Variants in DCC observed in about 807,000 individuals in gnomAD.
DCC encodes the protein DCC netrin 1 receptor.
DCC carries 58 observed loss-of-function variants against 172.5 expected under a neutral mutation model. That is an observed-to-expected ratio of 0.34 (90% CI 0.27 to 0.42). DCC has a LOEUF of 0.42. DCC is among the 10% of genes least tolerant of loss of function. The probability of loss-of-function intolerance (pLI) is 1.00; values close to 1 mark genes in which losing one functional copy is unlikely to be tolerated. For synonymous variants in DCC, 709 were observed against 644.5 expected (o/e 1.10, Z -1.52); for missense variants, 1,740 against 1,791.0 (o/e 0.97, Z 0.51).
At position 53,200,688 on chromosome 18, in the gene DCC, C is replaced by T. The variant is rs917971323; in HGVS notation, c.1574-4528C>T. On this transcript the variant is annotated intron_variant, in intron 9 of 28. Coordinates refer to ENST00000442544, the MANE Select transcript of DCC (RefSeq NM_005215.4). ...GTCTATTTTCCCCCATGATGCCTGA[C>T]GGAAGTGTGTGTGTGGTTGTCATAT... 2.2e-4 allele frequency among the ~76,000 whole-genome samples: 34 copies of T among 152,242 alleles called. No individual in the cohort carries two copies. In the South Asian group the frequency reaches 4.3e-3, roughly 19 times the overall value.
intron 1 of DCC, among the ~76,000 whole-genome samples, chr18:52,630,186 C>T (rs1417825181): frequency 2.0e-5 from 3 of 151,998 alleles, no homozygotes. Context: ...TCCAAATATA[C>T]CTTTAGAAAT....
At chr18:53,165,823 G>A (rs1046823570) in intron 8 of DCC, among the ~76,000 whole-genome samples, 2 of 152,154 alleles carry the variant, frequency 1.3e-5, no homozygotes, top group African/African-American at 4.8e-5. Flanking sequence ...TGAAAGGTTC[G>A]TCTTACTGAT....
intron 2 of DCC, among the ~76,000 whole-genome samples, chr18:52,838,581 C>T (rs188693399): frequency 1.1e-4 from 17 of 152,182 alleles, no homozygotes; most frequent in African/African-American, 4.1e-4. Flanking sequence ...CATTTTAAAT[C>T]ATCAAGTAAT....
At chr18:52,751,100 T>C (rs1322417566) in intron 1 of DCC, among the ~76,000 whole-genome samples, 4 of 152,196 alleles carry the variant, frequency 2.6e-5, no homozygotes, top group Non-Finnish European at 5.9e-5. Flanking sequence ...GAAAACAAGA[T>C]ACCGAGGGAC....
rs561978728 is a variant in DCC at position 53,464,852 on chromosome 18, G to A, written c.3620-3042G>A. On this transcript the variant is annotated intron_variant, in intron 24 of 28. Transcript: ENST00000442544. Reference sequence around the variant, plus strand: ...AAATTAGCCAGACGTGGTGGTACATGCCTGTAATCCCAGCTACTTGGGAGG... The same window carrying A: ...AAATTAGCCAGACGTGGTGGTACATACCTGTAATCCCAGCTACTTGGGAGG... Among the ~76,000 whole-genome samples the A allele has an allele frequency of 5.9e-5, 9 of 151,856 alleles. No individual in the cohort carries two copies. In the South Asian group the frequency reaches 1.7e-3, roughly 28 times the overall value.
chr18:52,904,551 A>G (rs985682233), intron 2 of DCC, among the ~76,000 whole-genome samples: 1 of 152,214 alleles, frequency 6.6e-6, no homozygotes, highest in Non-Finnish European at 1.5e-5. Flanking sequence ...AGGATCATGA[A>G]AATTAATAGA....
chr18:52,693,128 A>G (rs1016471981), intron 1 of DCC, among the ~76,000 whole-genome samples: 3 of 151,644 alleles, frequency 2.0e-5, no homozygotes, highest in African/African-American at 7.3e-5. Flanking sequence ...AGATAACTAC[A>G]AGGCAAATCA....
chr18:52,652,498 A>C (rs1461681118), intron 1 of DCC, among the ~76,000 whole-genome samples: 1 of 152,126 alleles, frequency 6.6e-6, no homozygotes, highest in Non-Finnish European at 1.5e-5. Flanking sequence ...TCTTTTTAAG[A>C]CAAGGTCACA....
intron 18 of DCC, among the ~76,000 whole-genome samples, chr18:53,397,928 T>C (rs1008386361): frequency 2.0e-5 from 3 of 152,188 alleles, no homozygotes; most frequent in Admixed American, 2.0e-4. Flanking sequence ...CAGGTGGTTT[T>C]GTTCACTCCT....
chr18:53,524,520 C>T (rs1238084020), intron 27 of DCC, among the ~76,000 whole-genome samples: 1 of 151,954 alleles, frequency 6.6e-6, no homozygotes, highest in African/African-American at 2.4e-5. Context: ...ATAGGATAAG[C>T]ACTATAAGGT....
chr18:52,360,415 T>G (rs1984568351), intron 1 of DCC, among the ~76,000 whole-genome samples: 1 of 152,270 alleles, frequency 6.6e-6, no homozygotes, highest in Non-Finnish European at 1.5e-5. Context: ...ACATATGTGC[T>G]GCAATTTCTC....
At chr18:53,218,493 T>C (rs1396922375) in intron 12 of DCC, among the ~76,000 whole-genome samples, 2 of 152,106 alleles carry the variant, frequency 1.3e-5, no homozygotes, top group Non-Finnish European at 2.9e-5. Flanking sequence ...ATTCTCTTAC[T>C]GTATCATTCT....
At chr18:52,803,551 C>T (rs879257159) in intron 2 of DCC, among the ~76,000 whole-genome samples, 3 of 152,070 alleles carry the variant, frequency 2.0e-5, no homozygotes, top group Admixed American at 6.5e-5. Context: ...ATAAAATAGA[C>T]TAGTACCTAT....
chr18:52,369,609 C>G (rs1985028714), intron 1 of DCC, among the ~76,000 whole-genome samples: 1 of 151,836 alleles, frequency 6.6e-6, no homozygotes, highest in African/African-American at 2.4e-5. Flanking sequence ...CTTTCTCTCT[C>G]TGCCTCTCTG....
At chr18:52,380,429 C>G (rs887617116) in intron 1 of DCC, among the ~76,000 whole-genome samples, 9 of 152,026 alleles carry the variant, frequency 5.9e-5, no homozygotes, top group African/African-American at 1.9e-4. Context: ...GCTTGTGGTA[C>G]CCAAGCACCT....
intron 1 of DCC, among the ~76,000 whole-genome samples, chr18:52,516,468 A>T (rs1195641039): frequency 2.0e-5 from 3 of 152,226 alleles, no homozygotes; most frequent in Non-Finnish European, 4.4e-5. Context: ...ATACTTTATT[A>T]TAGTTTTGCT....
rs1032575205 is a variant in DCC at position 52,908,876 on chromosome 18, ATTGAG to A, written c.697+2551_697+2555del. The stretch of plus-strand genomic sequence containing the variant: ...AATTCAAATATAAACTTTAGAAAAA[ATTGAG>A]TTAAGATAGTACATGCACGTGTGTA... On this transcript the variant is annotated intron_variant, in intron 3 of 28. Coordinates refer to ENST00000442544, the MANE Select transcript of DCC (RefSeq NM_005215.4). Among the ~76,000 whole-genome samples the A allele has an allele frequency of 2.6e-4, 40 of 152,324 alleles. 1 individual carries two copies. Among genetic ancestry groups the A allele is most frequent in the South Asian group, 6.2e-4 (3 of 4,832 alleles).
chr18:52,786,398 G>A (rs2037661187), intron 2 of DCC, among the ~76,000 whole-genome samples: 2 of 151,432 alleles, frequency 1.3e-5, no homozygotes, highest in African/African-American at 2.4e-5. Flanking sequence ...GTGAGACAAG[G>A]ATTTAATGAC....
intron 1 of DCC, among the ~76,000 whole-genome samples, chr18:52,611,058 T>A (rs2034267417): frequency 6.6e-6 from 1 of 152,190 alleles, no homozygotes; most frequent in Non-Finnish European, 1.5e-5. Context: ...GGTAAAATGT[T>A]GTAGGTATGT....
Sources: gnomAD v4.1 joint callset for allele counts (sites outside exome capture counted in the v4.1 genomes callset) on GRCh38, gnomAD v4.1.1 for gene constraint, MANE v1.5 for transcripts, NCBI Gene and HGNC (gene_info 2026-07-23, HGNC 2026-07-21) for gene names.